PDCD1LG2: variants seen among roughly 807,000 people sequenced by gnomAD.
PDCD1LG2 encodes B7 dendritic cell molecule.
PDCD1LG2 carries 32 observed loss-of-function variants against 28.2 expected under a neutral mutation model. The ratio of observed to expected loss-of-function variants is 1.13; its 90% confidence interval spans 0.86 to 1.52. The LOEUF is 1.52. PDCD1LG2 is among the 40% of genes most tolerant of loss of function. PDCD1LG2 has a pLI of 0.00. For synonymous variants in PDCD1LG2, 116 were observed against 120.2 expected, an observed-to-expected ratio of 0.97 and a Z score of 0.23; for missense variants, 385 against 323.8, an observed-to-expected ratio of 1.19 and a Z score of -1.45.
intron 5 of PDCD1LG2, among the ~76,000 whole-genome samples, chr9:5,559,093 C>G (rs1816505588): frequency 6.6e-6 from 1 of 152,112 alleles, no homozygotes; most frequent in Admixed American, 6.5e-5. Flanking sequence ...GCTGAGTGTT[C>G]CGTTCCAGCT....
rs116339877 is a variant in PDCD1LG2, at chr9:5,570,887, C to T, written c.*928C>T. The stretch of plus-strand genomic sequence containing the variant: ...TTTGCACATCTGTAATACAGCAATG[C>T]TAAGTAGTCAAGGCCTTTGATAATT... On this transcript the variant is annotated 3_prime_UTR_variant, in exon 7 of 7. Transcript: ENST00000397747. 5.8e-4 allele frequency: 135 copies of T among 232,830 alleles called. No individual in the cohort carries two copies. The highest frequency in any genetic ancestry group is 2.9e-3 in the African/African-American group (132 of 45,420). The allele number at this position is 232,830 out of a possible 1,614,324, so 14.4% of individuals were successfully genotyped here.
chr9:5,534,663 G>C, intron 2 of PDCD1LG2, 82 bp from the exon 3 acceptor site: 1 of 1,299,074 alleles, frequency 7.7e-7, no homozygotes, highest in Non-Finnish European at 1.1e-6. Flanking sequence ...ATGGGGGTGA[G>C]ATGGGTCTCA....
intron 3 of PDCD1LG2, among the ~76,000 whole-genome samples, chr9:5,536,038 T>G (rs1820574341): frequency 6.6e-6 from 1 of 152,218 alleles, no homozygotes; most frequent in Non-Finnish European, 1.5e-5. Context: ...TACTGTCTTC[T>G]AGAGGGTTTG....
At chr9:5,524,363 G>A (rs1225598480) in intron 2 of PDCD1LG2, among the ~76,000 whole-genome samples, 2 of 152,214 alleles carry the variant, frequency 1.3e-5, no homozygotes, top group East Asian at 1.9e-4. Flanking sequence ...CGTATTGAAT[G>A]TTTATTCTGG....
At chr9:5,545,025 G>C (rs1722483397) in intron 3 of PDCD1LG2, among the ~76,000 whole-genome samples, 1 of 152,158 alleles carries the variant, frequency 6.6e-6, no homozygotes, top group Non-Finnish European at 1.5e-5. Context: ...AGTTAAAGGA[G>C]GTAGGCATGT....
chr9:5,550,135 A>C lies in PDCD1LG2; in HGVS notation c.631+531A>C, dbSNP rs539595631. 1.8e-4 allele frequency among the ~76,000 whole-genome samples: 28 copies of C among 152,336 alleles called. 1 individual carries two copies. Among genetic ancestry groups the C allele is most frequent in the African/African-American group, 6.5e-4 (27 of 41,582 alleles). On this transcript the variant is annotated intron_variant, in intron 4 of 6. Transcript: ENST00000397747. ...ATCACTGTGATTCATGCACAGTGTC[A>C]TGAGCCAGCAGGATGAATATTCCTT...
intron 4 of PDCD1LG2, among the ~76,000 whole-genome samples, chr9:5,556,022 T>A (rs1397335460): frequency 6.6e-6 from 1 of 152,202 alleles, no homozygotes. Flanking sequence ...AATTCCATAT[T>A]GGCACTTTTC....
At chr9:5,567,963 C>T (rs956894257) in intron 6 of PDCD1LG2, among the ~76,000 whole-genome samples, 3 of 152,096 alleles carry the variant, frequency 2.0e-5, no homozygotes, top group Non-Finnish European at 4.4e-5. Flanking sequence ...CATGAGTATC[C>T]CGACTTCCTT....
chr9:5,563,623 G>T (rs1191825255), intron 6 of PDCD1LG2, among the ~76,000 whole-genome samples: 3 of 152,204 alleles, frequency 2.0e-5, no homozygotes, highest in Non-Finnish European at 2.9e-5. Context: ...AGGTTGACAG[G>T]TTTGGAGCTG....
intron 2 of PDCD1LG2, among the ~76,000 whole-genome samples, chr9:5,524,074 T>C (rs1295829493): frequency 6.6e-6 from 1 of 152,218 alleles, no homozygotes; most frequent in East Asian, 1.9e-4. Flanking sequence ...TATTGAAGAT[T>C]CACTAAATGC....
chr9:5,549,708 CA>C, intron 4 of PDCD1LG2, 104 bp downstream of exon 4: 1 of 1,381,430 alleles, frequency 7.2e-7, no homozygotes. Flanking sequence ...GGACTGTTTA[CA>C]AAGGTGTGAT....
At chr9:5,545,673 A>G (rs1490814218) in intron 3 of PDCD1LG2, among the ~76,000 whole-genome samples, 1 of 152,218 alleles carries the variant, frequency 6.6e-6, no homozygotes, top group Admixed American at 6.5e-5. Context: ...TCAAATCCAC[A>G]ATTACATTTG....
chr9:5,537,360 G>A (rs1820600148), intron 3 of PDCD1LG2, among the ~76,000 whole-genome samples: 1 of 152,132 alleles, frequency 6.6e-6, no homozygotes, highest in Admixed American at 6.5e-5. Context: ...GGAAAAGAGA[G>A]CCATATCCAT....
chr9:5,512,028 C>A (rs1020212428), intron 1 of PDCD1LG2, among the ~76,000 whole-genome samples: 3 of 152,080 alleles, frequency 2.0e-5, no homozygotes. Flanking sequence ...GTGTAATGGA[C>A]AGGGGGAAGT....
In PDCD1LG2 at chr9:5,534,999, A is replaced by C. The variant is rs1436455804; in HGVS notation, c.310A>C (p.Ile104Leu). 1 of 1,614,074 alleles carries C rather than the reference A, an allele frequency of 6.2e-7. No individual in the cohort carries two copies. The highest frequency in any genetic ancestry group is 8.5e-7 in the Non-Finnish European group (1 of 1,179,984). The change falls in exon 3 of 7, where the codon ATC becomes CTC. Residue 104 changes from isoleucine (I) to leucine (L), a missense_variant. Ile to Leu is a conservative substitution (Grantham distance 5, BLOSUM62 2). Transcript: ENST00000397747. Reference protein sequence around the residue: ...VRDEGQYQCIIIYGVAWDYKY... With the variant: ...VRDEGQYQCILIYGVAWDYKY... ...GGACGAAGGACAGTACCAATGCATA[A>C]TCATCTATGGGGTCGCCTGGGACTA...
At chr9:5,553,335 A>G (rs1816374930) in intron 4 of PDCD1LG2, among the ~76,000 whole-genome samples, 1 of 152,216 alleles carries the variant, frequency 6.6e-6, no homozygotes, top group African/African-American at 2.4e-5. Flanking sequence ...TAAAGCCTCT[A>G]AAGAGGATTA....
rs369926493 is a variant in PDCD1LG2, at chr9:5,549,612, C to T, written c.631+8C>T. ...CCAGCATTGACCTTCAAAGTAAGAG[C>T]TGCCCCCACTTCCTAGGTCTATCAG... On this transcript the variant is annotated splice_region_variant and intron_variant, in intron 4 of 6. Coordinates refer to ENST00000397747, the MANE Select transcript of PDCD1LG2 (RefSeq NM_025239.4). 38 of 1,613,786 alleles carry T rather than the reference C, an allele frequency of 2.4e-5. No homozygotes were observed. Among genetic ancestry groups the T allele is most frequent in the Middle Eastern group, 1.6e-4 (1 of 6,082 alleles).
rs376297615 is a variant in PDCD1LG2, at chr9:5,534,800, T to C, written c.111T>C (p.Asn37=). The C allele has an allele frequency of 6.2e-7, 1 of 1,614,068 alleles. No individual in the cohort carries two copies. The highest frequency in any genetic ancestry group is 1.1e-5 in the South Asian group (1 of 91,070). ...TGTACATAATAGAGCATGGCAGCAATGTGACCCTGGAATGCAACTTTGACA... is the reference window on the plus strand; with the variant it reads ...TGTACATAATAGAGCATGGCAGCAACGTGACCCTGGAATGCAACTTTGACA... ...KELYIIEHGS[N]VTLECNFDTG... is the part of the protein sequence containing the mutation. Residue 37 remains asparagine, a synonymous_variant, in exon 3 of 7, where the codon AAT becomes AAC. Coordinates refer to ENST00000397747, the MANE Select transcript of PDCD1LG2 (RefSeq NM_025239.4).
In PDCD1LG2 at chr9:5,569,939, G is replaced by C. The variant is rs765970433; in HGVS notation, c.817-15G>C. 1.9e-6 allele frequency: 3 copies of C among 1,612,978 alleles called. No individual in the cohort carries two copies. Among genetic ancestry groups the C allele is most frequent in the Admixed American group, 3.3e-5 (2 of 59,924 alleles). ...TAAAAAATGATTTTTCTTATTTGTG[G>C]GCTTTTCTCCCCAGATCTGAACCTG... On this transcript the variant is annotated splice_polypyrimidine_tract_variant and intron_variant, in intron 6 of 6. Coordinates refer to ENST00000397747, the MANE Select transcript of PDCD1LG2 (RefSeq NM_025239.4). This position sits in a 1 kb window ranked among gnomAD's most constrained non-coding sequence, Gnocchi z 4.1.
Sources: gnomAD v4.1 joint callset for allele counts (sites outside exome capture counted in the v4.1 genomes callset) on GRCh38, gnomAD v4.1.1 for gene constraint, Gnocchi (gnomAD v3.1) non-coding constraint, MANE v1.5 for transcripts, NCBI Gene and HGNC (gene_info 2026-07-23, HGNC 2026-07-21) for gene names.